EML6: variants seen among roughly 807,000 people sequenced by gnomAD.
The protein encoded by EML6 is echinoderm microtubule-associated protein-like 6.
A neutral mutation model predicts 240.1 loss-of-function variants in EML6; 154 were observed. The observed-to-expected ratio is 0.64, with a 90% CI of 0.56 to 0.73. EML6 has a LOEUF of 0.73. Ranked by LOEUF, EML6 falls within the 30% of genes least tolerant of loss-of-function variation. EML6 has a pLI of 0.00. For synonymous variants in EML6, 1,148 were observed against 899.0 expected (o/e 1.28, Z -4.95); for missense variants, 2,964 against 2,474.6 (o/e 1.20, Z -4.20).
chr2:54,857,287 T>C (rs1365039172), intron 11 of EML6, among the ~76,000 whole-genome samples: 3 of 152,064 alleles, frequency 2.0e-5, no homozygotes, highest in African/African-American at 7.3e-5. Context: ...GACAGCACTT[T>C]AAAGCCATGG....
At chr2:54,850,976 A>G (rs573370287) in intron 10 of EML6, among the ~76,000 whole-genome samples, 22 of 152,398 alleles carry the variant, frequency 1.4e-4, no homozygotes, top group African/African-American at 5.0e-4. Context: ...GGTCATTTAT[A>G]TAAACTTTTA....
intron 2 of EML6, among the ~76,000 whole-genome samples, chr2:54,732,553 T>C (rs10169439): frequency 0.21 from 31,699 of 152,132 alleles, 3,521 homozygotes; most frequent in African/African-American, 0.3. Flanking sequence ...AAAAGACTAC[T>C]TTTTCTCCAT....
At position 54,796,576 on chromosome 2, in the gene EML6, C is replaced by T. The variant is rs921788721; in HGVS notation, c.198-16656C>T. The stretch of plus-strand genomic sequence containing the variant: ...TCTTAAAGGAACACTTAAATCCTTT[C>T]ATAATGAAAATTGAGTATATTAAAT... On this transcript the variant is annotated intron_variant, in intron 2 of 41. Coordinates refer to ENST00000356458, the MANE Select transcript of EML6 (RefSeq NM_001039753.4). Among the ~76,000 whole-genome samples, 4 of 151,176 alleles carry T rather than the reference C, an allele frequency of 2.6e-5. No homozygotes were observed. In the East Asian group the frequency reaches 7.8e-4, roughly 29 times the overall value.
chr2:54,723,972 C>T (rs1403517454), intron 1 of EML6, among the ~76,000 whole-genome samples, 195 bp downstream of exon 1: 2 of 152,198 alleles, frequency 1.3e-5, no homozygotes, highest in African/African-American at 4.8e-5. Context: ...TCGGGCGACC[C>T]CTCTCCACGC....
At chr2:54,913,272 G>T (rs1177600337) in intron 25 of EML6, among the ~76,000 whole-genome samples, 1 of 150,388 alleles carries the variant, frequency 6.6e-6, no homozygotes, top group Non-Finnish European at 1.5e-5. Flanking sequence ...CCTTTTCTAA[G>T]GGTCTTGCTG....
At position 54,750,898 on chromosome 2, in the gene EML6, C is replaced by T. The variant is rs145679594; in HGVS notation, c.197+25640C>T. Among the ~76,000 whole-genome samples the T allele has an allele frequency of 2.3e-3, 345 of 152,146 alleles. 2 individuals carry two copies. The highest frequency in any genetic ancestry group is 0.011 in the South Asian group (54 of 4,818). On this transcript the variant is annotated intron_variant, in intron 2 of 41. Coordinates refer to ENST00000356458, the MANE Select transcript of EML6 (RefSeq NM_001039753.4). Reference sequence around the variant, plus strand: ...AGAAATTGTGATTGGCAGTCCTCCCCGAGCCACATGGGATGGGGAAGGGCC... The same window carrying T: ...AGAAATTGTGATTGGCAGTCCTCCCTGAGCCACATGGGATGGGGAAGGGCC...
intron 2 of EML6, among the ~76,000 whole-genome samples, chr2:54,799,561 T>A (rs957153770): frequency 6.6e-6 from 1 of 152,178 alleles, no homozygotes; most frequent in Non-Finnish European, 1.5e-5. Context: ...GCCAGGATGG[T>A]CTCGATCTCC....
At position 54,869,273 on chromosome 2, in the gene EML6, G is replaced by A. The variant is rs368082723; in HGVS notation, c.2144G>A (p.Arg715Gln). 88 of 1,551,450 alleles carry A rather than the reference G, an allele frequency of 5.7e-5. No homozygotes were observed. Among genetic ancestry groups the A allele is most frequent in the Non-Finnish European group, 7.0e-5 (80 of 1,146,880 alleles). ...HIAAVAVVYN[R>Q]QQHSQRLYLG... ...GCTGCAGTTGCTGTCGTGTATAATCGGCAGCAGCACTCCCAGAGGCTGTAC... is the reference window on the plus strand; with the variant it reads ...GCTGCAGTTGCTGTCGTGTATAATCAGCAGCAGCACTCCCAGAGGCTGTAC... The change falls in exon 15 of 42, where the codon CGG becomes CAG. Residue 715 changes from arginine to glutamine, a missense_variant. Coordinates refer to ENST00000356458, the MANE Select transcript of EML6 (RefSeq NM_001039753.4).
intron 2 of EML6, among the ~76,000 whole-genome samples, chr2:54,726,531 A>G (rs1223771607): frequency 2.0e-5 from 3 of 152,110 alleles, no homozygotes; most frequent in Non-Finnish European, 4.4e-5. Context: ...AAAAATCTTG[A>G]CTTTTTTTGA....
At chr2:54,789,231 C>T (rs1012209309) in intron 2 of EML6, among the ~76,000 whole-genome samples, 6 of 150,996 alleles carry the variant, frequency 4.0e-5, no homozygotes, top group African/African-American at 1.5e-4. Context: ...ATGTGCTTTC[C>T]GGCCGGGCGC....
chr2:54,920,138 A>C (rs1248879161), intron 26 of EML6, among the ~76,000 whole-genome samples: 1 of 152,130 alleles, frequency 6.6e-6, no homozygotes, highest in Non-Finnish European at 1.5e-5. Context: ...AGACCAAACT[A>C]AGCTTCCTGT....
Position 54,854,001 on chromosome 2 carries a change from A to G in EML6, c.1657+146A>G, listed in dbSNP as rs571559044. 42 of 504,428 alleles carry G rather than the reference A, an allele frequency of 8.3e-5. No homozygotes were observed. In the Middle Eastern group the frequency reaches 2.1e-3, roughly 25 times the overall value. 31.2% of individuals were successfully genotyped at this position (504,428 alleles called of 1,614,324 possible). ...TATTTACTTTTCAACAATTTTAAAT[A>G]GAATGTGTTGATGTCTTCTACTTTT... On this transcript the variant is annotated intron_variant, in intron 11 of 41. Coordinates refer to ENST00000356458, the MANE Select transcript of EML6 (RefSeq NM_001039753.4).
At chr2:54,869,054 C>T (rs989904671) in intron 14 of EML6, 127 bp from the exon 15 acceptor site, 6 of 592,358 alleles carry the variant, frequency 1.0e-5, no homozygotes, top group African/African-American at 9.2e-5. Context: ...CATTGCTGTC[C>T]TATGTGACAC....
At chr2:54,747,337 C>A (rs1683957689) in intron 2 of EML6, 1 of 152,166 alleles carries the variant, frequency 6.6e-6, no homozygotes, top group Admixed American at 6.5e-5. Context: ...ATGACAGAAG[C>A]AAATCTAGCC....
chr2:54,948,121 T>G (rs1675781070), intron 28 of EML6, among the ~76,000 whole-genome samples: 1 of 152,186 alleles, frequency 6.6e-6, no homozygotes, highest in Non-Finnish European at 1.5e-5. Context: ...AAATCTGATT[T>G]AAGGAAACCC....
At chr2:54,807,381 A>C (rs757223103) in intron 2 of EML6, among the ~76,000 whole-genome samples, 4 of 152,224 alleles carry the variant, frequency 2.6e-5, no homozygotes, top group Non-Finnish European at 5.9e-5. Flanking sequence ...ACGTTTTCTC[A>C]ATTTTATATA....
intron 16 of EML6, among the ~76,000 whole-genome samples, chr2:54,872,727 A>T (rs1222272951): frequency 1.3e-5 from 2 of 151,890 alleles, no homozygotes; most frequent in African/African-American, 4.8e-5. Context: ...GGCTACATGC[A>T]CTCTTGCCCT....
chr2:54,810,584 T>C (rs1480734773), intron 2 of EML6, among the ~76,000 whole-genome samples: 1 of 152,256 alleles, frequency 6.6e-6, no homozygotes, highest in African/African-American at 2.4e-5. Flanking sequence ...TTTATATCTC[T>C]TGAAAGTGTT....
chr2:54,820,361 G>A lies in EML6; in HGVS notation c.457-33G>A, dbSNP rs143332266. ...GGGAAAAGGCAAAAATATACCAAAT[G>A]ATCAACATGGCAACTTTTAATGTTT... On this transcript the variant is annotated intron_variant, in intron 4 of 41. Coordinates refer to ENST00000356458, the MANE Select transcript of EML6 (RefSeq NM_001039753.4). 1,143 of 1,467,902 alleles carry A rather than the reference G, an allele frequency of 7.8e-4. 7 individuals carry two copies. The African/African-American group carries it at 0.014, about 18-fold the overall frequency. The allele number at this position is 1,467,902 out of a possible 1,614,324, so 90.9% of individuals were successfully genotyped here. A position where few individuals can be genotyped will look rare whatever the true frequency, so the allele number is the denominator to read the frequency against.
Sources: gnomAD v4.1 joint callset for allele counts (sites outside exome capture counted in the v4.1 genomes callset) on GRCh38, gnomAD v4.1.1 for gene constraint, MANE v1.5 for transcripts, NCBI Gene and HGNC (gene_info 2026-07-23, HGNC 2026-07-21) for gene names.